The following PCDH15 variants were observed in gnomAD, a reference collection of about 807,000 sequenced individuals.
The protein encoded by PCDH15 is protocadherin-15.
In PCDH15, 129 loss-of-function variants were observed where a neutral mutation model predicts 178.5. The observed-to-expected ratio is 0.72, with a 90% CI of 0.63 to 0.84. The LOEUF (loss-of-function observed/expected upper bound fraction) is 0.84, where lower values mean the gene tolerates loss of function less well. Among genes scored for constraint, PCDH15 ranks in the 40% least tolerant of loss-of-function variants. The pLI, the probability that PCDH15 is intolerant of heterozygous loss-of-function variation, is 0.00. For missense variants in PCDH15, 2,230 were observed against 2,099.9 expected (o/e 1.06, Z -1.21); for synonymous variants, 800 against 732.0 (o/e 1.09, Z -1.50).
chr10:54,553,204 T>C (rs2086807319), intron 2 of PCDH15, among the ~76,000 whole-genome samples: 1 of 152,176 alleles, frequency 6.6e-6, no homozygotes, highest in Non-Finnish European at 1.5e-5. Context: ...TCTGGTGATA[T>C]ATTGAGGAGA....
At chr10:54,470,593 A>G (rs984444441) in intron 3 of PCDH15, among the ~76,000 whole-genome samples, 16 of 152,048 alleles carry the variant, frequency 1.1e-4, no homozygotes, top group Admixed American at 1.3e-4. Context: ...GCAGCTTCCT[A>G]TGATAGTTTC....
At chr10:55,295,160 A>G (rs555967396) in intron 1 of PCDH15, among the ~76,000 whole-genome samples, 1 of 152,296 alleles carries the variant, frequency 6.6e-6, no homozygotes, top group Non-Finnish European at 1.5e-5. Context: ...TTTCTAACAT[A>G]CCACTCCTGT....
intron 3 of PCDH15, among the ~76,000 whole-genome samples, chr10:54,870,757 G>C (rs1954022841): frequency 6.6e-6 from 1 of 151,710 alleles, no homozygotes; most frequent in African/African-American, 2.4e-5. Flanking sequence ...CTGCACTCTA[G>C]CCTGGGCGAC....
chr10:54,822,680 T>G (rs188989628), intron 3 of PCDH15, among the ~76,000 whole-genome samples: 1 of 152,120 alleles, frequency 6.6e-6, no homozygotes, highest in East Asian at 1.9e-4. Context: ...CACATGGTAA[T>G]TCTATTTTTA....
chr10:54,896,134 C>A (rs1206261610), intron 3 of PCDH15, among the ~76,000 whole-genome samples: 2 of 152,138 alleles, frequency 1.3e-5, no homozygotes, highest in Non-Finnish European at 2.9e-5. Context: ...ATCCACCCAC[C>A]TTTGCCTCCC....
chr10:54,629,763 AT>A (rs1390830777), intron 2 of PCDH15, among the ~76,000 whole-genome samples: 2 of 152,146 alleles, frequency 1.3e-5, no homozygotes, highest in Non-Finnish European at 2.9e-5. Context: ...AAAGAAAAAA[AT>A]ACAAGGCATC....
Position 54,553,598 on chromosome 10 carries a change from C to T in PCDH15, c.92-25721G>A, listed in dbSNP as rs1439306556. ...AGACATGGATCCTGATAAGTTGATT[C>T]CTAGAGCCAGCTCTGGAATTAATAA... On this transcript the variant is annotated intron_variant, in intron 2 of 37. Transcript: ENST00000644397. Among the ~76,000 whole-genome samples, 3 of 152,056 alleles carry T rather than the reference C, an allele frequency of 2.0e-5. No homozygotes were observed. In the South Asian group the frequency reaches 6.2e-4, roughly 32 times the overall value.
intron 1 of PCDH15, among the ~76,000 whole-genome samples, chr10:55,255,861 A>G (rs577378706): frequency 6.6e-6 from 1 of 152,252 alleles, no homozygotes; most frequent in Admixed American, 6.5e-5. Flanking sequence ...CCTTTGCCAG[A>G]TGACTAGATT....
chr10:55,498,796 C>T lies in PCDH15; in HGVS notation c.-156+128829G>A, dbSNP rs529562138. 2.0e-4 allele frequency among the ~76,000 whole-genome samples: 31 copies of T among 151,912 alleles called. No homozygotes were observed. In the South Asian group the frequency reaches 6.4e-3, roughly 31 times the overall value. On this transcript the variant is annotated intron_variant, in intron 2 of 5. Coordinates refer to the PCDH15 transcript ENST00000613346. ...CTTGCTATGCATGCTACATAATGGC[C>T]TCATGAGTTTGGATAGGCTATCTTG... is the stretch of plus-strand genomic sequence containing the variant.
chr10:55,438,136 C>G (rs1234786391), intron 2 of PCDH15, among the ~76,000 whole-genome samples: 1 of 151,674 alleles, frequency 6.6e-6, no homozygotes, highest in Non-Finnish European at 1.5e-5. Flanking sequence ...CGCCTGGCCT[C>G]TCTTTCTTAT....
At chr10:54,042,629 G>A (rs1346323464) in intron 18 of PCDH15, among the ~76,000 whole-genome samples, 1 of 152,084 alleles carries the variant, frequency 6.6e-6, no homozygotes, top group East Asian at 1.9e-4. Flanking sequence ...CAGTGTGGCT[G>A]GAGTGGAGTG....
intron 1 of PCDH15, among the ~76,000 whole-genome samples, chr10:54,739,689 C>T (rs2132781527): frequency 6.6e-6 from 1 of 151,784 alleles, no homozygotes; most frequent in African/African-American, 2.4e-5. Context: ...GAAATATACA[C>T]ATAAGCCAAT....
intron 13 of PCDH15, among the ~76,000 whole-genome samples, chr10:54,173,193 A>AT (rs2047084725): frequency 1.3e-5 from 2 of 152,272 alleles, no homozygotes; most frequent in South Asian, 4.1e-4. Context: ...TCTAAGTCAT[A>AT]TTTGTCATGT....
chr10:53,822,981 C>T (rs1271522548), intron 32 of PCDH15: 3 of 1,613,954 alleles, frequency 1.9e-6, no homozygotes, highest in African/African-American at 2.7e-5. Flanking sequence ...CATCAGCCTC[C>T]TGGGTAAGCT....
At position 54,893,800 on chromosome 10, in the gene PCDH15, C is replaced by T. The variant is rs189367648; in HGVS notation, c.-29+3650G>A. On this transcript the variant is annotated intron_variant, in intron 3 of 5. Coordinates refer to the PCDH15 transcript ENST00000458638. The stretch of plus-strand genomic sequence containing the variant: ...AATTTCTGAATTATTTACACGACAG[C>T]TCTAAACAAGTGATGGAATTAAAGC... Among the ~76,000 whole-genome samples, 5 of 152,102 alleles carry T rather than the reference C, an allele frequency of 3.3e-5. No homozygotes were observed. In the East Asian group the frequency reaches 9.7e-4, roughly 29 times the overall value.
chr10:54,477,413 T>G (rs1055903926), intron 3 of PCDH15, among the ~76,000 whole-genome samples: 2 of 152,140 alleles, frequency 1.3e-5, no homozygotes, highest in African/African-American at 2.4e-5. Context: ...TTACTGTTCC[T>G]ATAACAACAC....
chr10:55,402,944 T>C (rs1838107144), intron 2 of PCDH15, among the ~76,000 whole-genome samples: 1 of 152,018 alleles, frequency 6.6e-6, no homozygotes, highest in Non-Finnish European at 1.5e-5. Context: ...CCCTCAACAG[T>C]ATATGAGAGT....
intron 25 of PCDH15, among the ~76,000 whole-genome samples, chr10:53,937,824 C>A (rs2085710017): frequency 6.6e-6 from 1 of 151,964 alleles, no homozygotes; most frequent in Non-Finnish European, 1.5e-5. Flanking sequence ...ATGCCTCTGC[C>A]CTCTTCTTTT....
At chr10:54,506,552 A>G (rs1004745559) in intron 3 of PCDH15, among the ~76,000 whole-genome samples, 10 of 152,034 alleles carry the variant, frequency 6.6e-5, no homozygotes, top group Admixed American at 1.3e-4. Flanking sequence ...CATGTAATAA[A>G]TTGCCATTGT....
Sources: allele counts gnomAD v4.1 joint callset (sites outside exome capture counted in the v4.1 genomes callset), GRCh38; gene constraint gnomAD v4.1.1; transcripts MANE v1.5; gene names NCBI Gene and HGNC (gene_info 2026-07-23, HGNC 2026-07-21).